Variants in KDM6A observed in about 807,000 individuals in gnomAD.
KDM6A encodes the protein lysine demethylase 6A, also known as lysine-specific demethylase 6A.
A neutral mutation model predicts 117.6 loss-of-function variants in KDM6A; 11 were observed. The ratio of observed to expected loss-of-function variants is 0.09; its 90% CI spans 0.06 to 0.15. The LOEUF (loss-of-function observed/expected upper bound fraction) is 0.15. Ranked by LOEUF, KDM6A falls within the 10% of genes least tolerant of loss-of-function variation. KDM6A has a pLI of 1.00. For synonymous variants in KDM6A, 384 were observed against 396.1 expected (o/e 0.97, Z 0.36); for missense variants, 799 against 1,077.3 (o/e 0.74, Z 3.62).
chrX:44,962,580 T>C (rs2038731218), intron 3 of KDM6A, among the ~76,000 whole-genome samples: 1 of 112,142 alleles, frequency 8.9e-6, no homozygotes, highest in Admixed American at 9.5e-5. Flanking sequence ...AGGAAACTAT[T>C]GTACCAAAAA....
intron 4 of KDM6A, among the ~76,000 whole-genome samples, chrX:44,996,576 T>TA (rs1364161226): frequency 1.5e-4 from 16 of 110,320 alleles, no homozygotes; most frequent in Non-Finnish European, 2.7e-4. Flanking sequence ...GCATGATGCA[T>TA]ATAATAAAGT....
intron 4 of KDM6A, among the ~76,000 whole-genome samples, chrX:44,985,128 G>A (rs1247400473): frequency 1.9e-4 from 21 of 109,941 alleles, no homozygotes; most frequent in South Asian, 3.9e-4. Flanking sequence ...GGTCCTTCAC[G>A]TCCCTTGTAA....
At chrX:45,046,981 A>ATGGTGG (rs375095336) in intron 8 of KDM6A, among the ~76,000 whole-genome samples, 3,745 of 103,339 alleles carry the variant, frequency 0.036, 73 homozygotes, top group Middle Eastern at 0.075. Context: ...GGTGGTGATG[A>ATGGTGG]TGGTGGTGGT....
intron 2 of KDM6A, among the ~76,000 whole-genome samples, chrX:44,914,519 A>G (rs188858022): frequency 7.3e-4 from 81 of 111,561 alleles, no homozygotes; most frequent in African/African-American, 2.4e-3. Flanking sequence ...GATTCCAGGA[A>G]GAGCACTGTG....
intron 4 of KDM6A, among the ~76,000 whole-genome samples, chrX:44,992,710 C>G: frequency 9.2e-6 from 1 of 108,565 alleles, no homozygotes; most frequent in Non-Finnish European, 1.9e-5. Context: ...GCTACCATGC[C>G]CGGCTCATTT....
intron 2 of KDM6A, among the ~76,000 whole-genome samples, chrX:44,958,804 T>G (rs1295098310): frequency 9.1e-6 from 1 of 110,343 alleles, no homozygotes; most frequent in Non-Finnish European, 1.9e-5. Flanking sequence ...AAAATAATCC[T>G]ATTGACTGGA....
chrX:44,954,024 C>T (rs1253079297), intron 2 of KDM6A, among the ~76,000 whole-genome samples: 5 of 106,925 alleles, frequency 4.7e-5, no homozygotes, highest in African/African-American at 1.7e-4. Flanking sequence ...TGCCACTACA[C>T]TCCAGCCTGG....
Position 45,076,592 on chromosome X carries a change from G to A in KDM6A, c.2859-105G>A, listed in dbSNP as rs761600131. 7.0e-6 allele frequency: 4 copies of A among 572,897 alleles called. No homozygotes were observed. The South Asian group carries it at 1.1e-4, about 16-fold the overall frequency. 47.2% of individuals were successfully genotyped at this position (572,897 alleles called of 1,213,427 possible). A position where few individuals can be genotyped will look rare whatever the true frequency, so the allele number is the denominator to read the frequency against. On this transcript the variant is annotated intron_variant, in intron 18 of 29. Transcript: ENST00000611820. ...CACATCCCACATCTCATGGACTTGT[G>A]CAAATGCCTAGTAATTTAATTAGGA...
chrX:44,949,271 T>C (rs1159450625), intron 2 of KDM6A, among the ~76,000 whole-genome samples: 1 of 110,969 alleles, frequency 9.0e-6, no homozygotes, highest in African/African-American at 3.3e-5. Context: ...GGTGCGTTCC[T>C]GTAGTTCCAG....
intron 10 of KDM6A, among the ~76,000 whole-genome samples, chrX:45,055,030 A>G (rs770203244): frequency 4.8e-4 from 54 of 111,613 alleles, no homozygotes; most frequent in African/African-American, 1.1e-3. Flanking sequence ...CCAAATGTCA[A>G]TTATGCTGTA....
chrX:45,029,600 A>T (rs929255359), intron 6 of KDM6A, among the ~76,000 whole-genome samples: 11 of 98,404 alleles, frequency 1.1e-4, no homozygotes, highest in Admixed American at 8.4e-4. Flanking sequence ...TGACAGAGTG[A>T]GATTGTCTCA....
chrX:45,094,085 T>A (rs1043069804), intron 27 of KDM6A, among the ~76,000 whole-genome samples: 11 of 111,571 alleles, frequency 9.9e-5, no homozygotes, highest in Admixed American at 6.7e-4. Context: ...TAAGCCTCCC[T>A]TTTTGAAATA....
At chrX:44,885,744 C>T (rs1408504517) in intron 2 of KDM6A, among the ~76,000 whole-genome samples, 4 of 109,344 alleles carry the variant, frequency 3.7e-5, no homozygotes, top group African/African-American at 6.7e-5. Flanking sequence ...TGGTGGCGGG[C>T]GCCTGTAGTC....
intron 27 of KDM6A, among the ~76,000 whole-genome samples, chrX:45,097,086 T>C (rs1160080308): frequency 9.0e-6 from 1 of 111,227 alleles, no homozygotes; most frequent in Admixed American, 9.6e-5. Flanking sequence ...GGAGGCCATA[T>C]CCTCAGCAAA....
chrX:45,102,452 T>C (rs1181869181), intron 27 of KDM6A, among the ~76,000 whole-genome samples: 1 of 112,164 alleles, frequency 8.9e-6, no homozygotes, highest in East Asian at 2.8e-4. Flanking sequence ...AACTCCCTTT[T>C]CTCTTTGATT....
At chrX:45,040,441 G>A (rs1480678626) in intron 8 of KDM6A, among the ~76,000 whole-genome samples, 15 of 72,368 alleles carry the variant, frequency 2.1e-4, no homozygotes, top group Admixed American at 5.6e-4. Flanking sequence ...CTGGCCGGGC[G>A]GGGGGCTGAC....
intron 2 of KDM6A, among the ~76,000 whole-genome samples, chrX:44,938,659 A>T (rs769541131): frequency 3.6e-5 from 4 of 112,587 alleles, no homozygotes; most frequent in Non-Finnish European, 7.5e-5. Context: ...TTCCATCTAT[A>T]TGAAACAGCC....
chrX:44,898,661 A>G (rs2034081116), intron 2 of KDM6A, among the ~76,000 whole-genome samples: 1 of 111,443 alleles, frequency 9.0e-6, no homozygotes, highest in Non-Finnish European at 1.9e-5. Flanking sequence ...ACTATCTTAA[A>G]TGGGTGAGTC....
At chrX:45,074,165 G>A (rs1327163913) in intron 18 of KDM6A, among the ~76,000 whole-genome samples, 2 of 111,581 alleles carry the variant, frequency 1.8e-5, no homozygotes, top group African/African-American at 3.3e-5. Flanking sequence ...TGTCAGGTTT[G>A]TCAAAGATCA....
Sources: allele counts gnomAD v4.1 joint callset (sites outside exome capture counted in the v4.1 genomes callset), GRCh38; gene constraint gnomAD v4.1.1; transcripts MANE v1.5; gene names NCBI Gene and HGNC (gene_info 2026-07-23, HGNC 2026-07-21).